Variants in PSMA3 observed in about 807,000 individuals in gnomAD.
The protein encoded by PSMA3 is proteasome 20S subunit alpha 3.
In PSMA3, 8 loss-of-function variants were observed where a neutral mutation model predicts 40.0. That is an observed-to-expected ratio of 0.20 (90% confidence interval 0.12 to 0.36). The LOEUF (loss-of-function observed/expected upper bound fraction) is 0.36, where lower values mean the gene tolerates loss of function less well. PSMA3 is among the 10% of genes least tolerant of loss of function. The probability of loss-of-function intolerance (pLI) is 1.00; values close to 1 mark genes in which losing one functional copy is unlikely to be tolerated. For missense variants in PSMA3, 219 were observed against 310.6 expected (o/e 0.70, Z 2.22); for synonymous variants, 110 against 100.0 (o/e 1.10, Z -0.59).
chr14:58,263,600 A>G (rs954855706), intron 6 of PSMA3, 105 bp from the exon 7 acceptor site: 7 of 883,592 alleles, frequency 7.9e-6, no homozygotes, highest in African/African-American at 1.7e-5. Flanking sequence ...CTTGCTTTTA[A>G]AAGTCATTTA....
chr14:58,250,076 C>T (rs1467688491), intron 2 of PSMA3, among the ~76,000 whole-genome samples: 7 of 151,370 alleles, frequency 4.6e-5, no homozygotes, highest in African/African-American at 7.3e-5. Flanking sequence ...AAAAATTAGC[C>T]GGGCATGGCA....
chr14:58,247,896 C>T lies in PSMA3; in HGVS notation c.104+64C>T, dbSNP rs1801099885. On this transcript the variant is annotated intron_variant, in intron 2 of 10. Transcript: ENST00000216455. ...ATTTTATATATTTTTGGCGATTAGG[C>T]TTTGTTATGTTACTTTGGTACAAAT... The T allele has an allele frequency of 3.6e-6, 4 of 1,101,068 alleles. No individual in the cohort carries two copies. In the South Asian group the frequency reaches 4.3e-5, roughly 12 times the overall value. 68.2% of individuals were successfully genotyped at this position (1,101,068 alleles called of 1,614,324 possible).
chr14:58,259,092 T>A (rs1890212089), intron 5 of PSMA3, among the ~76,000 whole-genome samples: 1 of 152,164 alleles, frequency 6.6e-6, no homozygotes, highest in Middle Eastern at 3.4e-3. Flanking sequence ...CATGCCTGGC[T>A]AATTAACAAA....
In PSMA3 at chr14:58,258,512, A is replaced by C. The variant is rs1487555975; in HGVS notation, c.404+514A>C. ...ATAGATCTGAAGTGATTATAAAACAAGGAACTGATAACAATGACTTTAATC... is the reference window on the plus strand; with the variant it reads ...ATAGATCTGAAGTGATTATAAAACACGGAACTGATAACAATGACTTTAATC... On this transcript the variant is annotated intron_variant, in intron 5 of 10. Coordinates refer to ENST00000216455, the MANE Select transcript of PSMA3 (RefSeq NM_002788.4). 4 of 151,806 alleles carry C rather than the reference A, an allele frequency of 2.6e-5. No homozygotes were observed. The East Asian group carries it at 5.8e-4, about 22-fold the overall frequency. 9.4% of individuals were successfully genotyped at this position (151,806 alleles called of 1,614,324 possible). A position where few individuals can be genotyped will look rare whatever the true frequency, so the allele number is the denominator to read the frequency against.
In PSMA3 at chr14:58,248,518, G is replaced by A. The variant is rs145841641; in HGVS notation, c.104+686G>A. On this transcript the variant is annotated intron_variant, in intron 2 of 10. Transcript: ENST00000216455. ...GAGTAGCCCCAGTCCTATATTTCTC[G>A]TTGATTACAAAGAGCTGGGATTATA... Among the ~76,000 whole-genome samples the A allele has an allele frequency of 8.6e-3, 1,315 of 152,238 alleles. 19 individuals carry two copies. The highest frequency in any genetic ancestry group is 0.03 in the African/African-American group (1,232 of 41,556).
At chr14:58,248,186 C>T (rs1174875848) in intron 2 of PSMA3, among the ~76,000 whole-genome samples, 1 of 152,114 alleles carries the variant, frequency 6.6e-6, no homozygotes. Flanking sequence ...TTTTAAATGT[C>T]TTATGCAATT....
Position 58,261,141 on chromosome 14 carries a change from CTTTTTTTTT to C in PSMA3, c.477+127_477+135del, listed in dbSNP as rs750255185. Reference sequence around the variant, plus strand: ...AACTCATTCAAGGAAAGTAATTTTTCTTTTTTTTTTTTTTACAACAACCTCTTGTCCAAC... The same window carrying C: ...AACTCATTCAAGGAAAGTAATTTTTCTTTTTACAACAACCTCTTGTCCAAC... On this transcript the variant is annotated intron_variant, in intron 6 of 10. Coordinates refer to ENST00000216455, the MANE Select transcript of PSMA3 (RefSeq NM_002788.4). 1.2e-4 allele frequency: 60 copies of C among 497,756 alleles called. 1 individual carries two copies. The African/African-American group carries it at 1.2e-3, about 10-fold the overall frequency. The allele number at this position is 497,756 out of a possible 1,614,324, so 30.8% of individuals were successfully genotyped here.
chr14:58,270,463 A>G lies in PSMA3; in HGVS notation c.636A>G (p.Leu212=), dbSNP rs1381955539. 1 of 1,613,754 alleles carries G rather than the reference A, an allele frequency of 6.2e-7. No homozygotes were observed. The highest frequency in any genetic ancestry group is 2.2e-5 in the East Asian group (1 of 44,766). The change falls in exon 9 of 11, where the codon CTA becomes CTG. Residue 212 remains leucine, a synonymous_variant. Coordinates refer to ENST00000216455, the MANE Select transcript of PSMA3 (RefSeq NM_002788.4). ...HDEVKDKAFE[L]ELSWVGELTN... is the part of the protein sequence containing the mutation. ...AAGTTAAGGATAAAGCTTTTGAACT[A>G]GAACTCAGCTGGGTTGGTGAATGTA...
intron 5 of PSMA3, among the ~76,000 whole-genome samples, chr14:58,259,070 G>A (rs994769543): frequency 1.3e-5 from 2 of 152,144 alleles, no homozygotes; most frequent in African/African-American, 2.4e-5. Flanking sequence ...TGGGACCACA[G>A]GCATGGGCCA....
At chr14:58,248,984 A>G (rs1889940059) in intron 2 of PSMA3, among the ~76,000 whole-genome samples, 1 of 152,136 alleles carries the variant, frequency 6.6e-6, no homozygotes, top group South Asian at 2.1e-4. Context: ...TTTAAAAATG[A>G]GACGTAGTTT....
At chr14:58,247,635 A>G (rs1472581207) in intron 1 of PSMA3, 115 bp from the exon 2 acceptor site, 1 of 647,980 alleles carries the variant, frequency 1.5e-6, no homozygotes, top group Non-Finnish European at 2.7e-6. Context: ...TCTTGAAAGC[A>G]AGGTCTTTGT....
intron 1 of PSMA3, among the ~76,000 whole-genome samples, chr14:58,247,310 T>A (rs1889903703): frequency 6.6e-6 from 1 of 152,260 alleles, no homozygotes; most frequent in South Asian, 2.1e-4. Context: ...AAGGACTTAA[T>A]GAATGAGTAT....
chr14:58,258,087 A>C (rs1890188119), intron 5 of PSMA3, 89 bp downstream of exon 5: 2 of 1,008,158 alleles, frequency 2.0e-6, no homozygotes, highest in East Asian at 2.5e-5. Context: ...TACATACTTA[A>C]AAATAGAAAC....
intron 1 of PSMA3, among the ~76,000 whole-genome samples, chr14:58,246,971 A>C (rs1889896734): frequency 6.6e-6 from 1 of 152,180 alleles, no homozygotes; most frequent in Non-Finnish European, 1.5e-5. Flanking sequence ...TCTGGCCCTC[A>C]GCTACCTCAC....
intron 2 of PSMA3, among the ~76,000 whole-genome samples, chr14:58,251,698 T>G (rs1314055230): frequency 6.6e-6 from 1 of 152,226 alleles, no homozygotes; most frequent in East Asian, 1.9e-4. Context: ...AAAGGAAGAA[T>G]AAATCATAAT....
At chr14:58,252,701 A>G (rs910423777) in intron 3 of PSMA3, among the ~76,000 whole-genome samples, 3 of 152,116 alleles carry the variant, frequency 2.0e-5, no homozygotes, top group African/African-American at 7.2e-5. Context: ...TTATTCATGC[A>G]GCTGGTATCT....
Position 58,271,452 on chromosome 14 carries a change from C to T in PSMA3, c.724-399C>T, listed in dbSNP as rs1324070221. Reference sequence around the variant, plus strand: ...TCAAGCGATCCTCCTGCCTCCGCCTCCCAAGTAGCTGGGATTACAGGAACA... The same window carrying T: ...TCAAGCGATCCTCCTGCCTCCGCCTTCCAAGTAGCTGGGATTACAGGAACA... On this transcript the variant is annotated intron_variant, in intron 10 of 10. Transcript: ENST00000216455. Among the ~76,000 whole-genome samples, 9 of 151,204 alleles carry T rather than the reference C, an allele frequency of 6.0e-5. No homozygotes were observed. The Admixed American group carries it at 6.0e-4, about 10-fold the overall frequency.
In PSMA3 at chr14:58,254,147, CAT is replaced by C. The variant is rs1408858041; in HGVS notation, c.228+1906_228+1907del. ...TTTAGCTTCCACTTATAAGAGAGAA[CAT>C]GTGGTTTTTGGTTTTCTCTTCTTGT... is the stretch of plus-strand genomic sequence containing the variant. On this transcript the variant is annotated intron_variant, in intron 3 of 10. Coordinates refer to ENST00000216455, the MANE Select transcript of PSMA3 (RefSeq NM_002788.4). Among the ~76,000 whole-genome samples the C allele has an allele frequency of 1.7e-4, 26 of 150,938 alleles. 1 individual carries two copies. Among genetic ancestry groups the C allele is most frequent in the African/African-American group, 6.3e-4 (26 of 41,066 alleles).
chr14:58,256,082 G>C (rs1012274606), intron 3 of PSMA3, among the ~76,000 whole-genome samples: 1 of 152,098 alleles, frequency 6.6e-6, no homozygotes, highest in African/African-American at 2.4e-5. Flanking sequence ...TCAAACTCCT[G>C]ACCTCAGGTG....
Sources: allele counts gnomAD v4.1 joint callset (sites outside exome capture counted in the v4.1 genomes callset), GRCh38; gene constraint gnomAD v4.1.1; transcripts MANE v1.5; gene names NCBI Gene and HGNC (gene_info 2026-07-23, HGNC 2026-07-21).